Variants in TEX26 observed in about 807,000 individuals in gnomAD.
TEX26 encodes testis-expressed protein 26.
TEX26 carries 34 observed loss-of-function variants against 35.3 expected under a neutral mutation model. That is an observed-to-expected ratio of 0.96 (90% CI 0.73 to 1.28). The LOEUF (loss-of-function observed/expected upper bound fraction) is 1.28, where lower values mean the gene tolerates loss of function less well. TEX26 is among the 50% of genes most tolerant of loss of function. TEX26 has a pLI of 0.00. For synonymous variants in TEX26, 136 were observed against 111.8 expected (o/e 1.22, Z -1.36); for missense variants, 371 against 330.1 (o/e 1.12, Z -0.96).
intron 5 of TEX26, 28 bp from the exon 6 acceptor site, chr13:30,968,857 A>T: frequency 6.2e-7 from 1 of 1,601,212 alleles, no homozygotes; most frequent in Non-Finnish European, 8.5e-7. Flanking sequence ...CAGCCTTCCG[A>T]CCTCTCCTCC....
chr13:30,963,087 C>G (rs939929717), intron 4 of TEX26, among the ~76,000 whole-genome samples: 1 of 152,136 alleles, frequency 6.6e-6, no homozygotes, highest in African/African-American at 2.4e-5. Flanking sequence ...CTCGGCCTCT[C>G]AAAGTGCTGG....
intron 6 of TEX26, among the ~76,000 whole-genome samples, chr13:30,970,168 AGTGTGTGTGTGTGTGTGTGT>A (rs57600535): frequency 0.069 from 10,064 of 146,390 alleles, 447 homozygotes; most frequent in Non-Finnish European, 0.09. Context: ...GGTGTGTGTG[AGTGTGTGTGTGTGTGTGTGT>A]GTGTGTGTGT....
chr13:30,953,749 C>T (rs879147159), intron 3 of TEX26, among the ~76,000 whole-genome samples: 1 of 152,200 alleles, frequency 6.6e-6, no homozygotes, highest in Non-Finnish European at 1.5e-5. Flanking sequence ...ATAGCTGATT[C>T]TCCGTGTGTG....
intron 2 of TEX26, among the ~76,000 whole-genome samples, chr13:30,947,818 C>T (rs751814282): frequency 1.3e-5 from 2 of 151,630 alleles, no homozygotes; most frequent in African/African-American, 2.4e-5. Flanking sequence ...ATACATGTGC[C>T]GTGTTGGTGT....
intron 2 of TEX26, among the ~76,000 whole-genome samples, chr13:30,944,204 G>C (rs1953616624): frequency 6.6e-6 from 1 of 151,876 alleles, no homozygotes; most frequent in African/African-American, 2.4e-5. Flanking sequence ...GTGTTTCCAA[G>C]AATTTATTCA....
At chr13:30,943,910 C>T (rs1953606484) in intron 2 of TEX26, among the ~76,000 whole-genome samples, 2 of 151,858 alleles carry the variant, frequency 1.3e-5, no homozygotes, top group Admixed American at 1.3e-4. Context: ...GGATATTGGT[C>T]TGTAGTTTTC....
intron 2 of TEX26, among the ~76,000 whole-genome samples, chr13:30,951,582 A>G (rs1011356658): frequency 1.2e-4 from 18 of 152,272 alleles, no homozygotes; most frequent in African/African-American, 3.8e-4. Context: ...ATCCCCCACT[A>G]TGACCCAGCA....
Position 30,940,420 on chromosome 13 carries a change from G to A in TEX26, c.146+642G>A, listed in dbSNP as rs572654694. ...ACGATCTCGGCTCACTGCAAGCTCCGCCCCCTGGGTTCACGCCATTCTCCT... is the reference window on the plus strand; with the variant it reads ...ACGATCTCGGCTCACTGCAAGCTCCACCCCCTGGGTTCACGCCATTCTCCT... On this transcript the variant is annotated intron_variant, in intron 2 of 6. Transcript: ENST00000380473. 2.2e-4 allele frequency among the ~76,000 whole-genome samples: 29 copies of A among 128,920 alleles called. No homozygotes were observed. The South Asian group carries it at 6.7e-3, about 30-fold the overall frequency. 84.6% of individuals were successfully genotyped at this position (128,920 alleles called of 152,430 possible).
intron 2 of TEX26, among the ~76,000 whole-genome samples, chr13:30,949,246 G>C (rs976694964): frequency 6.6e-6 from 1 of 152,078 alleles, no homozygotes; most frequent in Non-Finnish European, 1.5e-5. Context: ...AACCAAAAAA[G>C]AGCCCACATT....
At position 30,941,618 on chromosome 13, in the gene TEX26, T is replaced by C. The variant is rs1022463475; in HGVS notation, c.146+1840T>C. Among the ~76,000 whole-genome samples the C allele has an allele frequency of 1.7e-4, 26 of 152,274 alleles. No homozygotes were observed. The East Asian group carries it at 3.3e-3, about 19-fold the overall frequency. ...AAAGTAGTGTACATTGTACCCAATA[T>C]GTAATTTTTTATTCCTCACCCACTG... On this transcript the variant is annotated intron_variant, in intron 2 of 6. Coordinates refer to ENST00000380473, the MANE Select transcript of TEX26 (RefSeq NM_152325.3).
At chr13:30,949,095 T>C (rs1478297411) in intron 2 of TEX26, among the ~76,000 whole-genome samples, 2 of 152,300 alleles carry the variant, frequency 1.3e-5, no homozygotes, top group Non-Finnish European at 1.5e-5. Context: ...GTTCCATTGG[T>C]CTATATCTCT....
At chr13:30,972,253 A>C (rs1429188101) in intron 6 of TEX26, among the ~76,000 whole-genome samples, 1 of 152,240 alleles carries the variant, frequency 6.6e-6, no homozygotes, top group Non-Finnish European at 1.5e-5. Context: ...TGGCAGAAGC[A>C]ACAGTGTAAA....
chr13:30,957,922 G>A (rs1361168942), intron 4 of TEX26, among the ~76,000 whole-genome samples: 1 of 152,188 alleles, frequency 6.6e-6, no homozygotes, highest in African/African-American at 2.4e-5. Context: ...CCTTGTGGAT[G>A]GGATGCTGGT....
intron 2 of TEX26, among the ~76,000 whole-genome samples, chr13:30,948,920 A>G (rs1168340210): frequency 2.0e-5 from 3 of 152,132 alleles, no homozygotes; most frequent in African/African-American, 4.8e-5. Context: ...TTTTTGTATA[A>G]GGTGTAAGGA....
intron 6 of TEX26, among the ~76,000 whole-genome samples, chr13:30,972,664 T>G (rs1034884065): frequency 6.6e-6 from 1 of 152,226 alleles, no homozygotes; most frequent in Non-Finnish European, 1.5e-5. Flanking sequence ...AGACAGAATC[T>G]CCCTCTGTCA....
intron 2 of TEX26, among the ~76,000 whole-genome samples, chr13:30,941,117 T>C (rs549821253): frequency 2.0e-5 from 3 of 152,322 alleles, no homozygotes; most frequent in Admixed American, 2.0e-4. Flanking sequence ...AGTTTTGTCA[T>C]TAGTGAAATG....
At chr13:30,948,597 T>C (rs1237508412) in intron 2 of TEX26, among the ~76,000 whole-genome samples, 13 of 152,224 alleles carry the variant, frequency 8.5e-5, no homozygotes. Flanking sequence ...GTTTGTTTTT[T>C]TCTTGTAAAT....
rs1233136284 is a variant in TEX26 at position 30,955,974 on chromosome 13, G to A, written c.313-899G>A. The stretch of plus-strand genomic sequence containing the variant: ...GAAAGAGGGACGATGGCAAGAGGGG[G>A]TGAAGATTTCAAGTTTTATCATCCT... On this transcript the variant is annotated intron_variant, in intron 3 of 6. Coordinates refer to ENST00000380473, the MANE Select transcript of TEX26 (RefSeq NM_152325.3). Among the ~76,000 whole-genome samples the A allele has an allele frequency of 2.6e-5, 4 of 152,098 alleles. No homozygotes were observed. The East Asian group carries it at 7.7e-4, about 29-fold the overall frequency.
At chr13:30,937,271 G>A (rs1320301208) in intron 1 of TEX26, among the ~76,000 whole-genome samples, 1 of 152,168 alleles carries the variant, frequency 6.6e-6, no homozygotes, top group African/African-American at 2.4e-5. Context: ...ACCCTAGATG[G>A]GCGGGAACAC....
Sources: gnomAD v4.1 joint callset for allele counts (sites outside exome capture counted in the v4.1 genomes callset) on GRCh38, gnomAD v4.1.1 for gene constraint, MANE v1.5 for transcripts, NCBI Gene and HGNC (gene_info 2026-07-23, HGNC 2026-07-21) for gene names.